STARD13: variants seen among roughly 807,000 people sequenced by gnomAD.
STARD13 encodes StAR related lipid transfer domain containing 13.
In STARD13, 62 loss-of-function variants were observed where a neutral mutation model predicts 106.4. The ratio of observed to expected loss-of-function variants is 0.58; its 90% CI spans 0.48 to 0.72. The LOEUF (loss-of-function observed/expected upper bound fraction) is 0.72, where lower values mean the gene tolerates loss of function less well. STARD13 is among the 30% of genes least tolerant of loss of function. The probability of loss-of-function intolerance (pLI) is 0.00; values close to 1 mark genes in which losing one functional copy is unlikely to be tolerated. For missense variants in STARD13, 1,387 were observed against 1,424.0 expected (o/e 0.97, Z 0.42); for synonymous variants, 565 against 553.0 (o/e 1.02, Z -0.31).
chr13:33,315,037 C>A (rs1449272912), intron 1 of STARD13, among the ~76,000 whole-genome samples: 7 of 152,104 alleles, frequency 4.6e-5, no homozygotes, highest in Admixed American at 2.6e-4. Context: ...TACATAAGAT[C>A]TGGATGATGT....
At chr13:33,312,439 C>G (rs919551993) in intron 1 of STARD13, among the ~76,000 whole-genome samples, 51 of 152,132 alleles carry the variant, frequency 3.4e-4, no homozygotes, top group Non-Finnish European at 5.7e-4. Flanking sequence ...CCTGCTCCAC[C>G]CCTTTTCTCC....
chr13:33,154,808 G>A (rs137974732), intron 3 of STARD13, among the ~76,000 whole-genome samples: 5 of 152,292 alleles, frequency 3.3e-5, no homozygotes, highest in African/African-American at 1.2e-4. Flanking sequence ...AGCTTCAAGT[G>A]AGGGTCATGA....
At chr13:33,174,340 C>G (rs780695197) in intron 1 of STARD13, among the ~76,000 whole-genome samples, 2 of 151,914 alleles carry the variant, frequency 1.3e-5, no homozygotes, top group Admixed American at 1.3e-4. Context: ...CCCACAGTGA[C>G]GCCCTGCCCT....
chr13:33,271,233 C>G (rs1215257639), intron 1 of STARD13: 1 of 152,300 alleles, frequency 6.6e-6, no homozygotes, highest in Non-Finnish European at 1.5e-5. Flanking sequence ...CCCAAGACTT[C>G]TCTCTGAAAA....
the STARD13 span, among the ~76,000 whole-genome samples, chr13:33,485,569 A>G: frequency 5.3e-5 from 8 of 152,206 alleles, no homozygotes; most frequent in Non-Finnish European, 7.3e-5. Context: ...ATATTGTGGA[A>G]ATGGCTGGGC....
chr13:33,473,482 C>T, the STARD13 span, among the ~76,000 whole-genome samples: 2 of 152,120 alleles, frequency 1.3e-5, no homozygotes, highest in African/African-American at 4.8e-5. Context: ...ATGAGTATTG[C>T]CAGTAAAGAG....
At position 33,220,661 on chromosome 13, in the gene STARD13, C is replaced by T. The variant is rs547040054; in HGVS notation, c.170-53039G>A. On this transcript the variant is annotated intron_variant, in intron 1 of 13. Coordinates refer to ENST00000336934, the MANE Select transcript of STARD13 (RefSeq NM_178006.4). ...GAGCCAAGATTGTGCCACTACACTC[C>T]AGCCTGGGCAACAGAGCAAGATTCC... Among the ~76,000 whole-genome samples, 5 of 152,256 alleles carry T rather than the reference C, an allele frequency of 3.3e-5. No individual in the cohort carries two copies. In the South Asian group the frequency reaches 8.3e-4, roughly 25 times the overall value.
Position 33,285,588 on chromosome 13 carries a change from A to T in STARD13, c.51T>A (p.Asn17Lys), listed in dbSNP as rs768414547. Residue 17 changes from asparagine to lysine, a missense_variant, in exon 1 of 14, where the codon AAT becomes AAA. Physicochemically the swap from Asn to Lys is moderately conservative, Grantham distance 94. Coordinates refer to ENST00000336934, the MANE Select transcript of STARD13 (RefSeq NM_178006.4). ...RTPASGCYYLNSMTPEGQEMY... is the reference protein window; with the variant it reads ...RTPASGCYYLKSMTPEGQEMY... ...TCTCCTGGCCCTCAGGTGTCATGGA[A>T]TTTAGGTAGTAGCAGCCTGAGGCTG... The T allele has an allele frequency of 6.2e-6, 10 of 1,613,744 alleles. No individual in the cohort carries two copies. The African/African-American group carries it at 1.3e-4, about 22-fold the overall frequency.
At chr13:33,218,313 CT>C (rs143095972) in intron 1 of STARD13, among the ~76,000 whole-genome samples, 32,184 of 152,078 alleles carry the variant, frequency 0.21, 3,739 homozygotes, top group South Asian at 0.31. Flanking sequence ...GAGTCAGACC[CT>C]TTGTTTTGGG....
At chr13:33,384,149 T>A in the STARD13 span, among the ~76,000 whole-genome samples, 21 of 152,174 alleles carry the variant, frequency 1.4e-4, no homozygotes, top group Non-Finnish European at 2.6e-4. Context: ...CAGTGTCTTG[T>A]ACAATGAGGT....
chr13:33,306,933 G>C (rs1892929679), intron 1 of STARD13, among the ~76,000 whole-genome samples: 1 of 150,482 alleles, frequency 6.6e-6, no homozygotes, highest in South Asian at 2.1e-4. Context: ...CTGTGCGACA[G>C]AGTGAGACTC....
intron 7 of STARD13, among the ~76,000 whole-genome samples, chr13:33,123,245 T>C (rs1387914688): frequency 6.6e-6 from 1 of 151,976 alleles, no homozygotes; most frequent in Non-Finnish European, 1.5e-5. Context: ...ACTGCTCTAT[T>C]AGGAGGAGAG....
chr13:33,287,119 T>G (rs1892097316), upstream of STARD13, among the ~76,000 whole-genome samples: 1 of 152,202 alleles, frequency 6.6e-6, no homozygotes, highest in South Asian at 2.1e-4. Context: ...AAACATAGCC[T>G]GGCTGGGAAT....
At chr13:33,314,137 A>G (rs1221307625) in intron 1 of STARD13, among the ~76,000 whole-genome samples, 1 of 152,146 alleles carries the variant, frequency 6.6e-6, no homozygotes. Context: ...GAATACCGGT[A>G]AGGGCTGGCA....
chr13:33,375,995 A>ATG, the STARD13 span, among the ~76,000 whole-genome samples: 1 of 152,200 alleles, frequency 6.6e-6, no homozygotes, highest in African/African-American at 2.4e-5. Flanking sequence ...AATGTACTTA[A>ATG]TATTAAGTAA....
rs188245257 is a variant in STARD13, at chr13:33,165,331, G to A, written c.323+6C>T. 1 of 1,606,032 alleles carries A rather than the reference G, an allele frequency of 6.2e-7. No individual in the cohort carries two copies. The highest frequency in any genetic ancestry group is 1.7e-5 in the Admixed American group (1 of 59,992). On this transcript the variant is annotated splice_donor_region_variant and intron_variant, in intron 3 of 13. Coordinates refer to ENST00000336934, the MANE Select transcript of STARD13 (RefSeq NM_178006.4). ...GAAAGAAACAAAAATACTTCACATG[G>A]TTTACCTGCAAAGAGGTTCTACAAG...
intron 1 of STARD13, among the ~76,000 whole-genome samples, chr13:33,217,264 T>G (rs1388403651): frequency 6.6e-6 from 1 of 152,212 alleles, no homozygotes; most frequent in Non-Finnish European, 1.5e-5. Context: ...GCTCATTGTT[T>G]TTGATGGCAT....
At chr13:33,553,776 C>T in the STARD13 span, among the ~76,000 whole-genome samples, 4 of 151,754 alleles carry the variant, frequency 2.6e-5, no homozygotes, top group African/African-American at 7.3e-5. Context: ...GACGGGGTTT[C>T]ACCATGTTGG....
the STARD13 span, among the ~76,000 whole-genome samples, chr13:33,572,143 G>A: frequency 6.6e-6 from 1 of 152,126 alleles, no homozygotes; most frequent in Non-Finnish European, 1.5e-5. Context: ...ACTGTCCCTA[G>A]TCTCCCTTTC....
Sources: gnomAD v4.1 joint callset for allele counts (sites outside exome capture counted in the v4.1 genomes callset) on GRCh38, gnomAD v4.1.1 for gene constraint, MANE v1.5 for transcripts, NCBI Gene and HGNC (gene_info 2026-07-23, HGNC 2026-07-21) for gene names.